GINS1: variants seen among roughly 807,000 people sequenced by gnomAD.
GINS1 encodes the protein GINS complex subunit 1.
In GINS1, 26 loss-of-function variants were observed where a neutral mutation model predicts 34.9. That is an observed-to-expected ratio of 0.74 (90% CI 0.55 to 1.03). The LOEUF (loss-of-function observed/expected upper bound fraction) is 1.03. Ranked by LOEUF, GINS1 falls within the 50% of genes least tolerant of loss-of-function variation. The probability of loss-of-function intolerance (pLI) is 0.00; values close to 1 mark genes in which losing one functional copy is unlikely to be tolerated. For synonymous variants in GINS1, 97 were observed against 84.4 expected, an observed-to-expected ratio of 1.15 and a Z score of -0.82; for missense variants, 235 against 237.9, an observed-to-expected ratio of 0.99 and a Z score of 0.08.
intron 2 of GINS1, among the ~76,000 whole-genome samples, chr20:25,414,892 T>C (rs2482911): frequency 0.6 from 90,545 of 151,956 alleles, 28,060 homozygotes; most frequent in African/African-American, 0.72. Context: ...CTATAAAAGG[T>C]TTCAGTGTAG....
intron 5 of GINS1, among the ~76,000 whole-genome samples, chr20:25,435,812 TTTTTTTTTTTTTTTTTTTGA>T (rs2090452025): frequency 3.6e-5 from 1 of 27,936 alleles, no homozygotes; most frequent in Non-Finnish European, 6.1e-5. Flanking sequence ...GAGTTACACT[TTTTTTTTTTTTTTTTTTTGA>T]GACGGAGTCT....
At chr20:25,428,693 C>T (rs946099292) in intron 5 of GINS1, among the ~76,000 whole-genome samples, 5 of 151,688 alleles carry the variant, frequency 3.3e-5, no homozygotes, top group Non-Finnish European at 7.4e-5. Flanking sequence ...TGTGAGCCAC[C>T]GCACCCGGCC....
intron 2 of GINS1, 123 bp downstream of exon 2, chr20:25,413,977 G>A (rs773457849): frequency 3.3e-6 from 2 of 605,602 alleles, no homozygotes; most frequent in Non-Finnish European, 6.1e-6. Context: ...GGATTACGAG[G>A]TCAGGAGTTT....
At chr20:25,440,803 T>A (rs1600944505) in intron 5 of GINS1, among the ~76,000 whole-genome samples, 1 of 118,040 alleles carries the variant, frequency 8.5e-6, no homozygotes, top group Admixed American at 9.8e-5. Context: ...AGAGCAAGAC[T>A]CTGTCTCAAA....
chr20:25,414,514 A>T (rs192742753), intron 2 of GINS1, among the ~76,000 whole-genome samples: 2 of 152,150 alleles, frequency 1.3e-5, no homozygotes, highest in African/African-American at 4.8e-5. Context: ...GAGCCTGGAC[A>T]TATAGCAGGA....
At position 25,425,245 on chromosome 20, in the gene GINS1, C is replaced by G; in HGVS notation, c.365C>G (p.Ala122Gly). ...TTTAATAATTATAAAAGATCTCTTGCTACTTATATGAGGTCACTGGGAGGA... is the reference window on the plus strand; with the variant it reads ...TTTAATAATTATAAAAGATCTCTTGGTACTTATATGAGGTCACTGGGAGGA... ...EWFNNYKRSL[A>G]TYMRSLGGDE... Residue 122 changes from alanine (A) to glycine (G), a missense_variant, in exon 5 of 7, where the codon GCT (alanine) becomes GGT (glycine). Transcript: ENST00000262460. 1 of 1,544,862 alleles carries G rather than the reference C, an allele frequency of 6.5e-7. No homozygotes were observed. Among genetic ancestry groups the G allele is most frequent in the Non-Finnish European group, 8.9e-7 (1 of 1,117,770 alleles).
At chr20:25,423,111 T>TG (rs1002365183) in intron 4 of GINS1, among the ~76,000 whole-genome samples, 8 of 150,492 alleles carry the variant, frequency 5.3e-5, no homozygotes, top group Middle Eastern at 3.4e-3. Context: ...ATAGTATTTC[T>TG]GGTTTTTTTT....
intron 4 of GINS1, among the ~76,000 whole-genome samples, chr20:25,418,581 T>C (rs1444510993): frequency 6.6e-6 from 1 of 152,216 alleles, no homozygotes; most frequent in Non-Finnish European, 1.5e-5. Flanking sequence ...GGACATAGGA[T>C]TGGAGTCAGG....
At chr20:25,442,614 T>G (rs1166883585) in intron 6 of GINS1, among the ~76,000 whole-genome samples, 1 of 146,064 alleles carries the variant, frequency 6.8e-6, no homozygotes, top group African/African-American at 2.5e-5. Flanking sequence ...ATTATTATTT[T>G]TTTTTTTTTT....
intron 2 of GINS1, among the ~76,000 whole-genome samples, chr20:25,414,981 A>G (rs925831012): frequency 2.0e-5 from 3 of 152,208 alleles, no homozygotes; most frequent in Non-Finnish European, 4.4e-5. Flanking sequence ...ATTTGGGCGT[A>G]TGACAAACTT....
Position 25,422,812 on chromosome 20 carries a change from T to C in GINS1, c.331-2399T>C, listed in dbSNP as rs143260588. On this transcript the variant is annotated intron_variant, in intron 4 of 6. Coordinates refer to ENST00000262460, the MANE Select transcript of GINS1 (RefSeq NM_021067.5). ...TTGTTTAGACGGAGTTTTTTGCTCT[T>C]GTTGCCCAGGCTGGAGTGCTGTGGC... Among the ~76,000 whole-genome samples, 370 of 152,342 alleles carry C rather than the reference T, an allele frequency of 2.4e-3. 2 individuals are homozygous for C. Among genetic ancestry groups the C allele is most frequent in the South Asian group, 0.016 (76 of 4,822 alleles).
At chr20:25,437,675 T>C (rs1057348732) in intron 5 of GINS1, among the ~76,000 whole-genome samples, 1 of 152,244 alleles carries the variant, frequency 6.6e-6, no homozygotes, top group African/African-American at 2.4e-5. Flanking sequence ...CTGGTATATA[T>C]GTTCTGAGGA....
chr20:25,443,819 A>G (rs1224629044), intron 6 of GINS1, among the ~76,000 whole-genome samples: 5 of 151,632 alleles, frequency 3.3e-5, no homozygotes, highest in African/African-American at 1.2e-4. Context: ...CTCAGCTGTG[A>G]CCCTACCCTC....
intron 4 of GINS1, chr20:25,419,711 G>A: frequency 2.6e-6 from 1 of 380,828 alleles, no homozygotes; most frequent in Non-Finnish European, 4.7e-6. Context: ...TGCCCAGGCT[G>A]GAGTACAGTG....
intron 3 of GINS1, 88 bp from the exon 4 acceptor site, chr20:25,418,017 C>A: frequency 1.3e-6 from 1 of 785,018 alleles, no homozygotes; most frequent in Admixed American, 1.7e-5. Context: ...CTGTTTAGAG[C>A]TGGTGTGTTT....
chr20:25,440,826 A>G (rs1568810484), intron 5 of GINS1, among the ~76,000 whole-genome samples: 3 of 150,532 alleles, frequency 2.0e-5, no homozygotes, highest in African/African-American at 4.9e-5. Flanking sequence ...AAAAAAAAAA[A>G]AAAAAAGAAA....
intron 5 of GINS1, among the ~76,000 whole-genome samples, 165 bp downstream of exon 5, chr20:25,425,492 C>T (rs903646121): frequency 2.0e-5 from 3 of 152,144 alleles, no homozygotes; most frequent in African/African-American, 7.2e-5. Flanking sequence ...TACGATGGAA[C>T]AGCTATAATT....
chr20:25,443,781 C>T (rs1234229985), intron 6 of GINS1, among the ~76,000 whole-genome samples: 1 of 151,430 alleles, frequency 6.6e-6, no homozygotes, highest in Non-Finnish European at 1.5e-5. Context: ...CGCACCTGGC[C>T]TGGTGGTTGA....
chr20:25,422,285 C>G (rs1377153355), intron 4 of GINS1, among the ~76,000 whole-genome samples: 17 of 151,978 alleles, frequency 1.1e-4, no homozygotes, highest in Non-Finnish European at 2.2e-4. Flanking sequence ...TTTTAAAAAT[C>G]TTATTGCTCT....
Sources: allele counts gnomAD v4.1 joint callset (sites outside exome capture counted in the v4.1 genomes callset), GRCh38; gene constraint gnomAD v4.1.1; transcripts MANE v1.5; gene names NCBI Gene and HGNC (gene_info 2026-07-23, HGNC 2026-07-21).